The following CTNNA2 variants were observed in gnomAD, a reference collection of about 807,000 sequenced individuals.
CTNNA2 encodes catenin alpha-2.
In CTNNA2, 42 loss-of-function variants were observed where a neutral mutation model predicts 101.0. The ratio of observed to expected loss-of-function variants is 0.42; its 90% CI spans 0.32 to 0.54. The LOEUF (loss-of-function observed/expected upper bound fraction) is 0.54. Among genes scored for constraint, CTNNA2 ranks in the 20% least tolerant of loss-of-function variants. The pLI is 0.14. For missense variants in CTNNA2, 871 were observed against 1,223.1 expected (o/e 0.71, Z 4.29); for synonymous variants, 450 against 456.4 (o/e 0.99, Z 0.18).
chr2:80,623,820 G>C (rs1671394527), intron 18 of CTNNA2, among the ~76,000 whole-genome samples: 1 of 151,848 alleles, frequency 6.6e-6, no homozygotes, highest in Admixed American at 6.6e-5. Context: ...CAACAGAACT[G>C]ACTCATTCTG....
chr2:79,652,801 G>A (rs1681353027), intron 2 of CTNNA2, among the ~76,000 whole-genome samples: 1 of 152,034 alleles, frequency 6.6e-6, no homozygotes, highest in Non-Finnish European at 1.5e-5. Context: ...CTTCCTTTAT[G>A]CAAAACACAT....
intron 7 of CTNNA2, among the ~76,000 whole-genome samples, chr2:80,369,121 A>G (rs557699638): frequency 4.7e-4 from 72 of 152,072 alleles, no homozygotes; most frequent in Admixed American, 1.2e-3. Context: ...CCCTTCCTCA[A>G]GCTTCCAAAG....
At chr2:79,824,943 CACTTAGGG>C (rs1249562460) in intron 3 of CTNNA2, among the ~76,000 whole-genome samples, 2 of 152,086 alleles carry the variant, frequency 1.3e-5, no homozygotes, top group African/African-American at 2.4e-5. Context: ...GTAATCCCAG[CACTTAGGG>C]AAGCTGAGGT....
At chr2:79,278,023 C>A (rs1049484269) in intron 2 of CTNNA2, among the ~76,000 whole-genome samples, 1 of 152,094 alleles carries the variant, frequency 6.6e-6, no homozygotes, top group African/African-American at 2.4e-5. Flanking sequence ...AATACAAATT[C>A]ACCTTCTACA....
chr2:80,209,357 A>G (rs889372056), intron 7 of CTNNA2, among the ~76,000 whole-genome samples: 1 of 151,914 alleles, frequency 6.6e-6, no homozygotes, highest in Non-Finnish European at 1.5e-5. Flanking sequence ...GCACGCCACC[A>G]CACTCAGCTA....
chr2:79,412,980 T>C (rs1485562615), intron 4 of CTNNA2, among the ~76,000 whole-genome samples: 23 of 152,136 alleles, frequency 1.5e-4, no homozygotes, highest in Admixed American at 1.5e-3. Flanking sequence ...GAATATATTT[T>C]GTCAATTACA....
intron 2 of CTNNA2, among the ~76,000 whole-genome samples, chr2:79,298,603 T>G (rs1443007775): frequency 6.6e-6 from 1 of 152,196 alleles, no homozygotes; most frequent in Non-Finnish European, 1.5e-5. Flanking sequence ...CAATTCCACA[T>G]TCCTTAAGTT....
chr2:80,300,291 T>G (rs1047637663), intron 7 of CTNNA2, among the ~76,000 whole-genome samples: 1 of 68,874 alleles, frequency 1.5e-5, no homozygotes, highest in Non-Finnish European at 2.6e-5. Flanking sequence ...GGTGTGTGTG[T>G]GTGTGTGTGT....
At chr2:79,395,138 G>C (rs1425480828) in intron 4 of CTNNA2, among the ~76,000 whole-genome samples, 1 of 152,062 alleles carries the variant, frequency 6.6e-6, no homozygotes, top group Non-Finnish European at 1.5e-5. Flanking sequence ...CCCAAATTAC[G>C]GAGTGGTAGC....
chr2:79,437,010 G>A (rs1281108444), intron 4 of CTNNA2, among the ~76,000 whole-genome samples: 1 of 152,006 alleles, frequency 6.6e-6, no homozygotes, highest in Non-Finnish European at 1.5e-5. Context: ...GAGGTGGGCA[G>A]ATCACCTGAG....
chr2:79,902,577 A>G (rs1460818716), intron 6 of CTNNA2, among the ~76,000 whole-genome samples: 1 of 151,606 alleles, frequency 6.6e-6, no homozygotes, highest in African/African-American at 2.4e-5. Context: ...CCTGCTCTTC[A>G]TCTGTTATCT....
chr2:79,723,431 A>C (rs967474240), intron 2 of CTNNA2, among the ~76,000 whole-genome samples: 1 of 152,168 alleles, frequency 6.6e-6, no homozygotes, highest in Admixed American at 6.5e-5. Context: ...TAGGATGTTA[A>C]TATCTTACTC....
chr2:79,814,691 G>A (rs72824571), intron 3 of CTNNA2, among the ~76,000 whole-genome samples: 15,167 of 151,570 alleles, frequency 0.1, 1,050 homozygotes, highest in African/African-American at 0.19. Context: ...ATGGGCATTT[G>A]TGTTGGTTCC....
chr2:79,312,929 C>T (rs1280108887), intron 3 of CTNNA2: 1 of 152,154 alleles, frequency 6.6e-6, no homozygotes, highest in Non-Finnish European at 1.5e-5. Context: ...GGCTGCTTAA[C>T]GCCCCGTATA....
intron 2 of CTNNA2, among the ~76,000 whole-genome samples, chr2:79,685,329 A>G (rs1302443670): frequency 6.6e-6 from 1 of 152,230 alleles, no homozygotes; most frequent in East Asian, 1.9e-4. Context: ...GATACATATA[A>G]GTATCCTTGA....
At chr2:80,540,015 A>G (rs1691406578) in intron 9 of CTNNA2, among the ~76,000 whole-genome samples, 2 of 152,178 alleles carry the variant, frequency 1.3e-5, no homozygotes, top group African/African-American at 4.8e-5. Context: ...GGTTGCATCA[A>G]GCAAGTTTCA....
chr2:79,782,700 A>C (rs907495117), intron 3 of CTNNA2, among the ~76,000 whole-genome samples: 3 of 152,180 alleles, frequency 2.0e-5, no homozygotes, highest in African/African-American at 7.2e-5. Flanking sequence ...CGGTCTCTAC[A>C]TAAGAATCAC....
chr2:79,939,429 A>T (rs1042395324), intron 7 of CTNNA2, among the ~76,000 whole-genome samples: 1 of 152,234 alleles, frequency 6.6e-6, no homozygotes, highest in Admixed American at 6.5e-5. Context: ...TAAAATACAT[A>T]CACTGAACTC....
chr2:79,987,588 G>A (rs576881353), intron 7 of CTNNA2, among the ~76,000 whole-genome samples: 17,341 of 152,146 alleles, frequency 0.11, 1,152 homozygotes, highest in South Asian at 0.2. Flanking sequence ...TAAGTTGCAG[G>A]CATGTAGAAT....
Sources: gnomAD v4.1 joint callset for allele counts (sites outside exome capture counted in the v4.1 genomes callset) on GRCh38, gnomAD v4.1.1 for gene constraint, MANE v1.5 for transcripts, NCBI Gene and HGNC (gene_info 2026-07-23, HGNC 2026-07-21) for gene names.